Variants in GRM1 observed in about 807,000 individuals in gnomAD.
The protein encoded by GRM1 is glutamate metabotropic receptor 1.
GRM1 carries 33 observed loss-of-function variants against 90.9 expected under a neutral mutation model. That is an observed-to-expected ratio of 0.36 (90% CI 0.28 to 0.49). The LOEUF is 0.49. Ranked by LOEUF, GRM1 falls within the 20% of genes least tolerant of loss-of-function variation. GRM1 has a pLI of 0.99. For synonymous variants in GRM1, 700 were observed against 613.2 expected (o/e 1.14, Z -2.09); for missense variants, 1,190 against 1,534.3 (o/e 0.78, Z 3.75).
intron 6 of GRM1, among the ~76,000 whole-genome samples, chr6:146,392,422 A>G (rs1776760196): frequency 6.6e-6 from 1 of 152,198 alleles, no homozygotes; most frequent in Non-Finnish European, 1.5e-5. Flanking sequence ...TAAAATTGTT[A>G]CATGAGTGTC....
At chr6:146,361,683 C>T (rs6570756) in intron 5 of GRM1, among the ~76,000 whole-genome samples, 6,072 of 152,148 alleles carry the variant, frequency 0.04, 392 homozygotes, top group African/African-American at 0.14. Context: ...ATTTTATAGA[C>T]GAGGGAATCT....
chr6:146,268,524 C>T (rs148740698), intron 2 of GRM1, among the ~76,000 whole-genome samples: 2 of 152,270 alleles, frequency 1.3e-5, no homozygotes, highest in East Asian at 3.9e-4. Context: ...ATGCCAGTCA[C>T]ATGCTTGATA....
chr6:146,315,524 A>C (rs1783935769), intron 3 of GRM1, among the ~76,000 whole-genome samples: 1 of 152,200 alleles, frequency 6.6e-6, no homozygotes, highest in South Asian at 2.1e-4. Flanking sequence ...CCTTTGAATG[A>C]TGTAAATAAA....
intron 5 of GRM1, among the ~76,000 whole-genome samples, chr6:146,359,708 G>T (rs2115059652): frequency 6.6e-6 from 1 of 152,054 alleles, no homozygotes; most frequent in East Asian, 1.9e-4. Flanking sequence ...CCAGTTCAGG[G>T]GCAAGGCTGT....
chr6:146,136,353 C>G (rs1038731697), intron 1 of GRM1, among the ~76,000 whole-genome samples: 1 of 152,160 alleles, frequency 6.6e-6, no homozygotes, highest in Non-Finnish European at 1.5e-5. Flanking sequence ...GAGGAGCCTC[C>G]AAACTGCTCT....
chr6:146,329,766 G>T (rs1236021568), intron 3 of GRM1, among the ~76,000 whole-genome samples: 1 of 152,138 alleles, frequency 6.6e-6, no homozygotes, highest in Admixed American at 6.5e-5. Flanking sequence ...CCTTAAATAT[G>T]CTCAGAAATT....
chr6:146,103,056 G>T (rs1777104069), intron 1 of GRM1, among the ~76,000 whole-genome samples: 1 of 152,086 alleles, frequency 6.6e-6, no homozygotes. Context: ...TGGTTTTTAG[G>T]GGTCTCTTGG....
chr6:146,215,067 T>C (rs938995880), intron 2 of GRM1, among the ~76,000 whole-genome samples: 4 of 152,214 alleles, frequency 2.6e-5, no homozygotes, highest in Admixed American at 6.5e-5. Flanking sequence ...CATTTGACTT[T>C]TCCATGGTCT....
intron 1 of GRM1, among the ~76,000 whole-genome samples, chr6:146,156,490 C>A (rs1321691837): frequency 2.0e-5 from 3 of 152,186 alleles, no homozygotes; most frequent in African/African-American, 4.8e-5. Context: ...TTCTTGTGGA[C>A]CTTAGCCAAT....
intron 2 of GRM1, among the ~76,000 whole-genome samples, chr6:146,271,492 C>G (rs780630815): frequency 1.3e-5 from 2 of 152,072 alleles, no homozygotes; most frequent in African/African-American, 2.4e-5. Context: ...ACAAAGGGGC[C>G]TCTGAGGGAA....
chr6:146,123,731 T>C (rs1384258185), intron 1 of GRM1, among the ~76,000 whole-genome samples: 1 of 152,196 alleles, frequency 6.6e-6, no homozygotes, highest in Admixed American at 6.5e-5. Context: ...ATGCTACAGG[T>C]TCAGCTCTAT....
At chr6:146,055,714 G>A (rs1284713974) in intron 1 of GRM1, among the ~76,000 whole-genome samples, 1 of 152,042 alleles carries the variant, frequency 6.6e-6, no homozygotes, top group Non-Finnish European at 1.5e-5. Flanking sequence ...GTAAAGTTGG[G>A]TAATATGTGG....
chr6:146,386,050 A>G (rs148862188), intron 5 of GRM1, among the ~76,000 whole-genome samples: 172 of 152,230 alleles, frequency 1.1e-3, no homozygotes, highest in Non-Finnish European at 1.2e-3. Context: ...TTTGTATTTA[A>G]CCATACTGAT....
chr6:146,227,769 G>C (rs1307595969), intron 2 of GRM1, among the ~76,000 whole-genome samples: 1 of 152,112 alleles, frequency 6.6e-6, no homozygotes, highest in Non-Finnish European at 1.5e-5. Flanking sequence ...ATTTTGAAGG[G>C]AAAGCATATA....
chr6:146,308,937 G>T (rs748119552), intron 3 of GRM1, among the ~76,000 whole-genome samples: 1 of 151,854 alleles, frequency 6.6e-6, no homozygotes, highest in East Asian at 1.9e-4. Context: ...TATAATTTAG[G>T]CATTTCATTC....
At chr6:146,067,130 T>C (rs1447121393) in intron 1 of GRM1, among the ~76,000 whole-genome samples, 2 of 152,210 alleles carry the variant, frequency 1.3e-5, no homozygotes, top group Non-Finnish European at 2.9e-5. Flanking sequence ...TACCCCTCAC[T>C]CTGGCATTAA....
At chr6:146,256,454 C>T (rs1212359388) in intron 2 of GRM1, among the ~76,000 whole-genome samples, 2 of 152,066 alleles carry the variant, frequency 1.3e-5, no homozygotes, top group African/African-American at 4.8e-5. Flanking sequence ...AAAGAGTCCT[C>T]CTATGTAGCT....
At chr6:146,233,455 T>C (rs1335460065) in intron 2 of GRM1, among the ~76,000 whole-genome samples, 3 of 152,160 alleles carry the variant, frequency 2.0e-5, no homozygotes, top group Non-Finnish European at 4.4e-5. Flanking sequence ...ACATTTACTA[T>C]GACGGTGTTC....
At chr6:146,115,030 T>C (rs918579494) in intron 1 of GRM1, among the ~76,000 whole-genome samples, 3 of 152,144 alleles carry the variant, frequency 2.0e-5, no homozygotes, top group Non-Finnish European at 4.4e-5. Flanking sequence ...ACTAAGATTA[T>C]AGTTCAGGTC....
Sources: gnomAD v4.1 joint callset for allele counts (sites outside exome capture counted in the v4.1 genomes callset) on GRCh38, gnomAD v4.1.1 for gene constraint, MANE v1.5 for transcripts, NCBI Gene and HGNC (gene_info 2026-07-23, HGNC 2026-07-21) for gene names.